Variants in OXR1 observed in about 807,000 individuals in gnomAD.
The protein encoded by OXR1 is oxidation resistance protein 1.
A neutral mutation model predicts 104.6 loss-of-function variants in OXR1; 41 were observed. The observed-to-expected ratio is 0.39, with a 90% CI of 0.31 to 0.51. OXR1 has a LOEUF of 0.51. Ranked by LOEUF, OXR1 falls within the 20% of genes least tolerant of loss-of-function variation. OXR1 has a pLI of 0.77. For missense variants in OXR1, 955 were observed against 1,031.9 expected, an observed-to-expected ratio of 0.93 and a Z score of 1.02; for synonymous variants, 348 against 348.4, an observed-to-expected ratio of 1.00 and a Z score of 0.01.
chr8:106,696,499 G>A (rs1012586581), intron 7 of OXR1, among the ~76,000 whole-genome samples: 1 of 152,140 alleles, frequency 6.6e-6, no homozygotes, highest in Non-Finnish European at 1.5e-5. Context: ...ATGATTACTG[G>A]ATGGTATGGT....
intron 1 of OXR1, among the ~76,000 whole-genome samples, chr8:106,295,339 G>T (rs954949634): frequency 2.0e-5 from 3 of 152,110 alleles, no homozygotes; most frequent in Non-Finnish European, 4.4e-5. Context: ...GAGTGATAGT[G>T]CTTCAAAAAT....
intron 9 of OXR1, among the ~76,000 whole-genome samples, chr8:106,709,865 G>A (rs893422269): frequency 2.6e-5 from 4 of 151,976 alleles, no homozygotes; most frequent in East Asian, 1.9e-4. Context: ...AAAGCTCATC[G>A]TTTTAACCAC....
At chr8:106,297,312 T>G (rs1813039162) in intron 1 of OXR1, among the ~76,000 whole-genome samples, 1 of 152,310 alleles carries the variant, frequency 6.6e-6, no homozygotes, top group Admixed American at 6.5e-5. Flanking sequence ...TAGATAATTT[T>G]CCTAAGGAGG....
At chr8:106,713,435 C>A (rs1831910700) in intron 10 of OXR1, among the ~76,000 whole-genome samples, 1 of 151,796 alleles carries the variant, frequency 6.6e-6, no homozygotes, top group Non-Finnish European at 1.5e-5. Flanking sequence ...TATAATGTCT[C>A]AAAATAGGCC....
At chr8:106,736,818 A>G (rs1197072003) in intron 11 of OXR1, among the ~76,000 whole-genome samples, 1 of 152,154 alleles carries the variant, frequency 6.6e-6, no homozygotes, top group East Asian at 1.9e-4. Context: ...CAAATAAATG[A>G]TACAGTAAAA....
rs1315583635 is a variant in OXR1, at chr8:106,692,758, C to G, written c.556C>G (p.Pro186Ala). The G allele has an allele frequency of 3.8e-6, 6 of 1,559,104 alleles. No homozygotes were observed. The Admixed American group carries it at 1.1e-4, about 29-fold the overall frequency. Reference sequence around the variant, plus strand: ...TGATGTCCATCCAACAGAAGCAACTCCCTCATCTACTTTCACTGGTATTCG... The same window carrying G: ...TGATGTCCATCCAACAGAAGCAACTGCCTCATCTACTTTCACTGGTATTCG... ...NPDVHPTEAT[P>A]SSTFTGIRPA... Residue 186 changes from proline (P) to alanine (A), a missense_variant, in exon 7 of 17, where the codon CCC becomes GCC. Pro to Ala is a conservative substitution (Grantham distance 27). Around this residue, in one of 2 missense-constraint regions of OXR1, gnomAD observed 849 missense variants for 852.9 expected, o/e 1.00. Transcript: ENST00000517566.
chr8:106,729,845 G>A (rs116941702), intron 11 of OXR1: 2 of 152,202 alleles, frequency 1.3e-5, no homozygotes, highest in East Asian at 3.9e-4. Context: ...TTCTAAGAGA[G>A]CTGTAACACT....
intron 2 of OXR1, among the ~76,000 whole-genome samples, chr8:106,372,226 G>A (rs1244161603): frequency 3.3e-5 from 5 of 151,956 alleles, no homozygotes; most frequent in Non-Finnish European, 7.3e-5. Context: ...TGGGTAGTGT[G>A]CTCAATCAAC....
At chr8:106,524,928 T>G (rs1426692773) in intron 3 of OXR1, among the ~76,000 whole-genome samples, 1 of 152,150 alleles carries the variant, frequency 6.6e-6, no homozygotes, top group Non-Finnish European at 1.5e-5. Context: ...TCCTCCTCTG[T>G]TTTTGCTTAT....
intron 2 of OXR1, among the ~76,000 whole-genome samples, chr8:106,366,271 C>A (rs1209559726): frequency 6.6e-6 from 1 of 152,118 alleles, no homozygotes; most frequent in Non-Finnish European, 1.5e-5. Context: ...CCATAATTTA[C>A]TTTCTTGTGG....
chr8:106,448,122 T>C, intron 2 of OXR1: 1 of 1,446,932 alleles, frequency 6.9e-7, no homozygotes, highest in Non-Finnish European at 9.4e-7. Context: ...AGTTCCATTA[T>C]AAAATAGCTC....
intron 3 of OXR1, among the ~76,000 whole-genome samples, chr8:106,577,833 A>G (rs1817964770): frequency 6.6e-6 from 1 of 152,152 alleles, no homozygotes; most frequent in African/African-American, 2.4e-5. Context: ...GGGAGGAGGA[A>G]TTCACTTCAG....
chr8:106,638,217 C>T (rs767732081), intron 3 of OXR1, among the ~76,000 whole-genome samples: 1 of 152,148 alleles, frequency 6.6e-6, no homozygotes, highest in African/African-American at 2.4e-5. Flanking sequence ...TGAATCCCAC[C>T]ATCCCTATAT....
chr8:106,354,920 T>C (rs1271325139), intron 1 of OXR1, among the ~76,000 whole-genome samples: 1 of 152,116 alleles, frequency 6.6e-6, no homozygotes, highest in Non-Finnish European at 1.5e-5. Context: ...AAAATCTCAT[T>C]CATGAATAAA....
intron 2 of OXR1, among the ~76,000 whole-genome samples, chr8:106,468,030 T>A (rs1428940119): frequency 6.6e-6 from 1 of 151,782 alleles, no homozygotes; most frequent in African/African-American, 2.4e-5. Flanking sequence ...AAATTTTTGA[T>A]CCATTAGTCT....
chr8:106,717,380 A>G (rs1471716261), intron 11 of OXR1, among the ~76,000 whole-genome samples: 2 of 152,160 alleles, frequency 1.3e-5, no homozygotes, highest in Non-Finnish European at 2.9e-5. Context: ...GGAATGGAGA[A>G]TAGGTGTCCT....
intron 1 of OXR1, among the ~76,000 whole-genome samples, chr8:106,315,352 A>G (rs1417551827): frequency 6.6e-6 from 1 of 152,158 alleles, no homozygotes; most frequent in Non-Finnish European, 1.5e-5. Context: ...CTATTTCAGT[A>G]ATATTTAAAA....
chr8:106,703,827 T>A (rs1156479685), intron 8 of OXR1, among the ~76,000 whole-genome samples: 1 of 152,202 alleles, frequency 6.6e-6, no homozygotes, highest in Admixed American at 6.5e-5. Flanking sequence ...GGAAGGAAAT[T>A]GATATGTACT....
chr8:106,331,388 AATTT>A (rs1814707134), intron 1 of OXR1, among the ~76,000 whole-genome samples: 1 of 152,206 alleles, frequency 6.6e-6, no homozygotes, highest in African/African-American at 2.4e-5. Context: ...GCCATAGATT[AATTT>A]GTCATTGAAA....
Sources: gnomAD v4.1 joint callset for allele counts (sites outside exome capture counted in the v4.1 genomes callset) on GRCh38, gnomAD v4.1.1 for gene constraint, gnomAD v4.1.1 regional missense constraint, MANE v1.5 for transcripts, NCBI Gene and HGNC (gene_info 2026-07-23, HGNC 2026-07-21) for gene names.